RPE65: variants seen among roughly 807,000 people sequenced by gnomAD.
RPE65 encodes the protein retinoid isomerohydrolase RPE65.
A neutral mutation model predicts 68.5 loss-of-function variants in RPE65; 58 were observed. That is an observed-to-expected ratio of 0.85 (90% confidence interval 0.69 to 1.05). The LOEUF is 1.05. Among genes scored for constraint, RPE65 ranks in the 50% least tolerant of loss-of-function variants. The probability of loss-of-function intolerance (pLI) is 0.00; values close to 1 mark genes in which losing one functional copy is unlikely to be tolerated. For synonymous variants in RPE65, 220 were observed against 222.2 expected, an observed-to-expected ratio of 0.99 and a Z score of 0.09; for missense variants, 643 against 629.9, an observed-to-expected ratio of 1.02 and a Z score of -0.22.
At chr1:68,447,590 G>A (rs561420549) in intron 2 of RPE65, among the ~76,000 whole-genome samples, 10 of 152,136 alleles carry the variant, frequency 6.6e-5, no homozygotes, top group Non-Finnish European at 1.2e-4. Flanking sequence ...GGCCGGGCGC[G>A]GTGGCTCGCG....
At chr1:68,446,589 T>A in intron 3 of RPE65, 121 bp downstream of exon 3, 1 of 1,110,908 alleles carries the variant, frequency 9.0e-7, no homozygotes, top group East Asian at 2.4e-5. Flanking sequence ...CCAGGTACAT[T>A]GTGAGAAGAA....
intron 10 of RPE65, among the ~76,000 whole-genome samples, chr1:68,434,290 T>A (rs1645846119): frequency 6.6e-6 from 1 of 152,004 alleles, no homozygotes; most frequent in African/African-American, 2.4e-5. Flanking sequence ...CTGTACCCTG[T>A]ACAGAGGAGA....
intron 1 of RPE65, among the ~76,000 whole-genome samples, chr1:68,449,180 T>A (rs184193928): frequency 1.3e-5 from 2 of 152,236 alleles, no homozygotes; most frequent in Admixed American, 1.3e-4. Flanking sequence ...GAGAGACCCA[T>A]TTATCTCCTT....
intron 3 of RPE65, among the ~76,000 whole-genome samples, chr1:68,445,502 CT>C (rs1216327695): frequency 6.6e-6 from 1 of 151,680 alleles, no homozygotes; most frequent in Non-Finnish European, 1.5e-5. Flanking sequence ...TGATTTTGTA[CT>C]TTTAATTAAT....
chr1:68,449,490 G>A (rs1645967102), intron 1 of RPE65, among the ~76,000 whole-genome samples: 1 of 152,094 alleles, frequency 6.6e-6, no homozygotes, highest in African/African-American at 2.4e-5. Flanking sequence ...AAAGAACTTT[G>A]CATGGTATTA....
chr1:68,443,944 G>A (rs1444759816), intron 5 of RPE65, among the ~76,000 whole-genome samples: 2 of 152,108 alleles, frequency 1.3e-5, no homozygotes, highest in Admixed American at 1.3e-4. Context: ...CTAATAAGAA[G>A]TATCTATAAG....
At position 68,438,209 on chromosome 1, in the gene RPE65, A is replaced by G; in HGVS notation, c.1106T>C (p.Val369Ala). ...TACCTTGTCAATATTCAAAGGAAGT[A>G]CATATCTCCTAACTTCAGGTTGGGG... ...KAPQPEVRRYVLPLNIDKADT... is the reference protein window; with the variant it reads ...KAPQPEVRRYALPLNIDKADT... The change falls in exon 10 of 14, where the codon GTA (valine) becomes GCA (alanine). Residue 369 changes from valine (V) to alanine (A), a missense_variant. Val to Ala is a moderately conservative substitution (Grantham distance 64). Coordinates refer to ENST00000262340, the MANE Select transcript of RPE65 (RefSeq NM_000329.3). 6.2e-7 allele frequency: 1 copy of G among 1,614,002 alleles called. No homozygotes were observed. The highest frequency in any genetic ancestry group is 1.1e-5 in the South Asian group (1 of 91,082).
intron 10 of RPE65, among the ~76,000 whole-genome samples, chr1:68,437,816 A>T (rs1645871941): frequency 6.6e-6 from 1 of 152,244 alleles, no homozygotes; most frequent in Non-Finnish European, 1.5e-5. Flanking sequence ...TTGATGCTTC[A>T]TCTCTCCAGA....
chr1:68,430,978 A>C, intron 13 of RPE65, 87 bp downstream of exon 13: 1 of 1,021,094 alleles, frequency 9.8e-7, no homozygotes, highest in African/African-American at 1.6e-5. Flanking sequence ...AGTATTACGG[A>C]ATAATCAACC....
chr1:68,432,157 T>C (rs1645831725), intron 10 of RPE65, among the ~76,000 whole-genome samples: 1 of 151,916 alleles, frequency 6.6e-6, no homozygotes, highest in Non-Finnish European at 1.5e-5. Context: ...TACCATGAGA[T>C]TTTTCTAACA....
In RPE65 at chr1:68,429,261, T is replaced by C. The variant is rs985685314; in HGVS notation, c.*515A>G. 1 of 157,518 alleles carries C rather than the reference T, an allele frequency of 6.3e-6. No homozygotes were observed. Among genetic ancestry groups the C allele is most frequent in the Admixed American group, 6.2e-5 (1 of 16,030 alleles). 9.8% of individuals were successfully genotyped at this position (157,518 alleles called of 1,614,324 possible). A position where few individuals can be genotyped will look rare whatever the true frequency, so the allele number is the denominator to read the frequency against. ...GATTCATAATCTTTGAGCAGTTACG[T>C]ATACGCAAAATAATTACTGTAATTA... On this transcript the variant is annotated 3_prime_UTR_variant, in exon 14 of 14. Transcript: ENST00000262340.
intron 1 of RPE65, 113 bp downstream of exon 1, chr1:68,449,782 G>A (rs1645969913): frequency 1.6e-6 from 2 of 1,282,532 alleles, no homozygotes; most frequent in Non-Finnish European, 2.2e-6. Context: ...AAAATTCAAG[G>A]GTCTTTCCTA....
chr1:68,430,849 G>C (rs1645820772), intron 13 of RPE65, among the ~76,000 whole-genome samples: 1 of 152,020 alleles, frequency 6.6e-6, no homozygotes, highest in South Asian at 2.1e-4. Flanking sequence ...ACACCAAATG[G>C]TGCTTTGACA....
intron 10 of RPE65, among the ~76,000 whole-genome samples, chr1:68,436,287 C>T (rs954187079): frequency 6.6e-6 from 1 of 151,992 alleles, no homozygotes; most frequent in African/African-American, 2.4e-5. Context: ...CTTAAGGTAC[C>T]CAGATTGATC....
chr1:68,445,430 A>G (rs3790473), intron 3 of RPE65, among the ~76,000 whole-genome samples: 9,167 of 152,164 alleles, frequency 0.06, 309 homozygotes, highest in African/African-American at 0.09. Context: ...CTGCTAAACC[A>G]TATCTTAGAG....
intron 3 of RPE65, among the ~76,000 whole-genome samples, chr1:68,445,872 A>G (rs1270664324): frequency 6.6e-6 from 1 of 151,782 alleles, no homozygotes; most frequent in Non-Finnish European, 1.5e-5. Flanking sequence ...AGGAAGCTTT[A>G]TCTGAACTCC....
chr1:68,442,499 A>G (rs559449429), intron 5 of RPE65, among the ~76,000 whole-genome samples: 1 of 152,320 alleles, frequency 6.6e-6, no homozygotes, highest in African/African-American at 2.4e-5. Flanking sequence ...AGGTGGAGTA[A>G]TACTTTCATA....
At chr1:68,445,239 C>A (rs1344045508) in intron 3 of RPE65, among the ~76,000 whole-genome samples, 4 of 152,036 alleles carry the variant, frequency 2.6e-5, no homozygotes, top group Non-Finnish European at 4.4e-5. Context: ...TCACATAGGA[C>A]CCCCACCCCC....
chr1:68,431,234 G>C (rs754849641), intron 12 of RPE65, 48 bp downstream of exon 12: 1 of 1,602,926 alleles, frequency 6.2e-7, no homozygotes, highest in South Asian at 1.1e-5. Flanking sequence ...TACTTGACTA[G>C]CATATACTCA....
Sources: allele counts gnomAD v4.1 joint callset (sites outside exome capture counted in the v4.1 genomes callset), GRCh38; gene constraint gnomAD v4.1.1; transcripts MANE v1.5; gene names NCBI Gene and HGNC (gene_info 2026-07-23, HGNC 2026-07-21).